Variants in HMOX2 observed in about 807,000 individuals in gnomAD.
HMOX2 encodes heme oxygenase (decycling) 2.
A neutral mutation model predicts 33.7 loss-of-function variants in HMOX2; 30 were observed. That is an observed-to-expected ratio of 0.89 (90% CI 0.67 to 1.21). The LOEUF (loss-of-function observed/expected upper bound fraction) is 1.21, where lower values mean the gene tolerates loss of function less well. HMOX2 is among the 50% of genes most tolerant of loss of function. HMOX2 has a pLI of 0.00. For missense variants in HMOX2, 403 were observed against 399.1 expected (o/e 1.01, Z -0.08); for synonymous variants, 155 against 155.0 (o/e 1.00, Z 0.00).
intron 1 of HMOX2, among the ~76,000 whole-genome samples, chr16:4,478,714 A>C (rs2057937316): frequency 6.6e-6 from 1 of 151,962 alleles, no homozygotes; most frequent in Admixed American, 6.6e-5. Flanking sequence ...GCGATGAGCC[A>C]AGATTGTGCC....
chr16:4,509,499 A>T lies in HMOX2; in HGVS notation c.784A>T (p.Met262Leu). The T allele has an allele frequency of 6.2e-7, 1 of 1,614,198 alleles. No individual in the cohort carries two copies. Among genetic ancestry groups the T allele is most frequent in the East Asian group, 2.2e-5 (1 of 44,876 alleles). ...CCCTGTACACGATGGGAAAGGAGAC[A>T]TGCGTAAATGCCCTTTCTACGCTGC... ...GFPVHDGKGD[M>L]RKCPFYAAEQ... The change falls in exon 5 of 6, where the codon ATG becomes TTG. Residue 262 changes from methionine (M) to leucine (L), a missense_variant. Physicochemically the swap from Met to Leu is conservative, Grantham distance 15. Coordinates refer to ENST00000570646, the MANE Select transcript of HMOX2 (RefSeq NM_002134.4).
chr16:4,505,460 C>A, intron 1 of HMOX2, 24 bp from the exon 2 acceptor site: 1 of 1,280,072 alleles, frequency 7.8e-7, no homozygotes, highest in Non-Finnish European at 1.1e-6. Flanking sequence ...GGTGCCACAT[C>A]ACCAGCTCCT....
chr16:4,491,458 TG>T (rs2058303490), intron 1 of HMOX2, among the ~76,000 whole-genome samples: 1 of 152,052 alleles, frequency 6.6e-6, no homozygotes, highest in Non-Finnish European at 1.5e-5. Flanking sequence ...AACACTCGCC[TG>T]GGCAACATGG....
At chr16:4,483,928 ATCT>A (rs985484058) in intron 1 of HMOX2, among the ~76,000 whole-genome samples, 2 of 149,566 alleles carry the variant, frequency 1.3e-5, no homozygotes, top group Non-Finnish European at 3.0e-5. Context: ...TTATCTCTGT[ATCT>A]TCTTCTAAAT....
In HMOX2 at chr16:4,509,486, T is replaced by C. The variant is rs1307069067; in HGVS notation, c.771T>C (p.Asp257=). The change falls in exon 5 of 6, where the codon GAT becomes GAC. Residue 257 remains aspartate, a synonymous_variant. Transcript: ENST00000570646. ...TGGAGGATGGGTTCCCTGTACACGA[T>C]GGGAAAGGAGACATGCGTAAATGCC... is the stretch of plus-strand genomic sequence containing the variant. The part of the protein sequence containing the change: ...ETLEDGFPVH[D]GKGDMRKCPF... 4 of 1,614,068 alleles carry C rather than the reference T, an allele frequency of 2.5e-6. No homozygotes were observed. Among genetic ancestry groups the C allele is most frequent in the Non-Finnish European group, 8.5e-7 (1 of 1,180,008 alleles).
At chr16:4,503,151 A>G (rs139551295) in intron 1 of HMOX2, among the ~76,000 whole-genome samples, 1 of 152,228 alleles carries the variant, frequency 6.6e-6, no homozygotes, top group Non-Finnish European at 1.5e-5. Flanking sequence ...AAAAAAGAAA[A>G]CATTTATAAA....
chr16:4,505,729 C>A (rs1022383949), intron 2 of HMOX2, 119 bp downstream of exon 2: 4 of 674,738 alleles, frequency 5.9e-6, no homozygotes, highest in Non-Finnish European at 1.0e-5. Flanking sequence ...AGCTCTGGAC[C>A]CCTGGGTGCC....
At chr16:4,483,250 T>A (rs1328855245) in intron 1 of HMOX2, among the ~76,000 whole-genome samples, 2 of 149,880 alleles carry the variant, frequency 1.3e-5, no homozygotes, top group Non-Finnish European at 3.0e-5. Context: ...TACAAAGGCA[T>A]AATTGAATAC....
At chr16:4,482,999 C>T (rs1441450985) in intron 1 of HMOX2, among the ~76,000 whole-genome samples, 1 of 151,984 alleles carries the variant, frequency 6.6e-6, no homozygotes, top group African/African-American at 2.4e-5. Flanking sequence ...CACCGCACTC[C>T]ATCCAGCCTG....
chr16:4,474,887 T>C (rs2057771332), upstream of HMOX2: 1 of 152,268 alleles, frequency 6.6e-6, no homozygotes, highest in Admixed American at 6.5e-5. Flanking sequence ...GCTATGTCCA[T>C]GAGTCTTATC....
intron 1 of HMOX2, among the ~76,000 whole-genome samples, chr16:4,488,920 G>A (rs569940930): frequency 9.2e-5 from 14 of 152,046 alleles, no homozygotes; most frequent in South Asian, 4.2e-4. Context: ...CACCATTGTG[G>A]GCTCAAGCAA....
At position 4,508,000 on chromosome 16, in the gene HMOX2, C is replaced by T. The variant is rs930735133; in HGVS notation, c.492C>T (p.Gly164=). Residue 164 remains glycine, a synonymous_variant, in exon 4 of 6, where the codon GGC becomes GGT. Coordinates refer to ENST00000570646, the MANE Select transcript of HMOX2 (RefSeq NM_002134.4). ...GCTACATGGGGGATCTCTCGGGGGG[C>T]CAGGTGCTGAAGAAGGTGGCCCAGC... is the stretch of plus-strand genomic sequence containing the variant. ...YTRYMGDLSG[G]QVLKKVAQRA... 4.3e-6 allele frequency: 7 copies of T among 1,613,838 alleles called. No homozygotes were observed. The highest frequency in any genetic ancestry group is 5.9e-6 in the Non-Finnish European group (7 of 1,179,946).
At chr16:4,486,887 C>T (rs1446847409) in intron 1 of HMOX2, among the ~76,000 whole-genome samples, 1 of 152,234 alleles carries the variant, frequency 6.6e-6, no homozygotes, top group African/African-American at 2.4e-5. Flanking sequence ...GGCCCCCTTT[C>T]TCTTTCCCTC....
intron 1 of HMOX2, among the ~76,000 whole-genome samples, chr16:4,482,934 G>C (rs1415367894): frequency 1.3e-5 from 2 of 152,064 alleles, no homozygotes; most frequent in East Asian, 3.9e-4. Flanking sequence ...GGAGGCTGAG[G>C]CAGGAAAATC....
At chr16:4,485,496 T>TGAGAGGCCAGG (rs1375324981) in intron 1 of HMOX2, among the ~76,000 whole-genome samples, 1 of 152,122 alleles carries the variant, frequency 6.6e-6, no homozygotes, top group Non-Finnish European at 1.5e-5. Context: ...ATGAGAGTTT[T>TGAGAGGCCAGG]GAGAGGCCAG....
At chr16:4,494,950 A>C (rs146935889) in intron 1 of HMOX2, among the ~76,000 whole-genome samples, 43 of 151,670 alleles carry the variant, frequency 2.8e-4, no homozygotes, top group African/African-American at 1.0e-3. Flanking sequence ...AAGTGGGAGG[A>C]TTGTTGAGGC....
chr16:4,508,779 A>G (rs1352251703), intron 4 of HMOX2, among the ~76,000 whole-genome samples: 1 of 152,202 alleles, frequency 6.6e-6, no homozygotes, highest in Non-Finnish European at 1.5e-5. Flanking sequence ...ACCAGCACCT[A>G]GAAATGGGGA....
chr16:4,494,144 G>A (rs2058364305), intron 1 of HMOX2, among the ~76,000 whole-genome samples: 3 of 152,048 alleles, frequency 2.0e-5, no homozygotes, highest in South Asian at 2.1e-4. Flanking sequence ...GTGAAACCCC[G>A]TATCTACTAA....
At chr16:4,487,677 G>C (rs547659992) in intron 1 of HMOX2, among the ~76,000 whole-genome samples, 1 of 152,100 alleles carries the variant, frequency 6.6e-6, no homozygotes, top group South Asian at 2.1e-4. Flanking sequence ...GCTGGCGCCT[G>C]TAGTCCCAGC....
Sources: gnomAD v4.1 joint callset for allele counts (sites outside exome capture counted in the v4.1 genomes callset) on GRCh38, gnomAD v4.1.1 for gene constraint, MANE v1.5 for transcripts, NCBI Gene and HGNC (gene_info 2026-07-23, HGNC 2026-07-21) for gene names.